Variants in HSD17B12 observed in about 807,000 individuals in gnomAD.
HSD17B12 encodes the protein hydroxysteroid 17-beta dehydrogenase 12, also known as very-long-chain 3-oxoacyl-CoA reductase.
In HSD17B12, 32 loss-of-function variants were observed where a neutral mutation model predicts 39.3. The ratio of observed to expected loss-of-function variants is 0.81; its 90% CI spans 0.61 to 1.09. The LOEUF (loss-of-function observed/expected upper bound fraction) is 1.09. HSD17B12 is among the 50% of genes least tolerant of loss of function. The probability of loss-of-function intolerance (pLI) is 0.00; values close to 1 mark genes in which losing one functional copy is unlikely to be tolerated. For missense variants in HSD17B12, 342 were observed against 382.9 expected (o/e 0.89, Z 0.89); for synonymous variants, 150 against 146.7 (o/e 1.02, Z -0.16).
chr11:43,574,328 G>A, the HSD17B12 span, among the ~76,000 whole-genome samples: 12 of 152,186 alleles, frequency 7.9e-5, no homozygotes, highest in South Asian at 2.1e-4. Flanking sequence ...TGGCATCAAA[G>A]GAAACCATTG....
chr11:43,816,326 A>G, intron 5 of HSD17B12, 21 bp from the exon 6 acceptor site: 1 of 1,465,314 alleles, frequency 6.8e-7, no homozygotes, highest in Non-Finnish European at 9.2e-7. Flanking sequence ...TGTATATAAA[A>G]TTCTCAATAT....
chr11:43,711,798 A>G (rs1427865015), intron 1 of HSD17B12, among the ~76,000 whole-genome samples: 1 of 152,178 alleles, frequency 6.6e-6, no homozygotes, highest in Non-Finnish European at 1.5e-5. Context: ...ATTAATTTGA[A>G]GAAAATTTTC....
intron 1 of HSD17B12, among the ~76,000 whole-genome samples, chr11:43,747,837 G>A (rs1293299730): frequency 6.6e-6 from 1 of 152,150 alleles, no homozygotes; most frequent in East Asian, 1.9e-4. Context: ...GGAGACCAGA[G>A]CTCTGAGCCT....
At chr11:43,614,325 C>A in the HSD17B12 span, among the ~76,000 whole-genome samples, 1 of 152,176 alleles carries the variant, frequency 6.6e-6, no homozygotes, top group East Asian at 1.9e-4. Context: ...TTAAAAATGT[C>A]ATTCCATTGT....
At position 43,754,088 on chromosome 11, in the gene HSD17B12, A is replaced by G. The variant is rs749744408; in HGVS notation, c.250A>G (p.Lys84Glu). 2.5e-6 allele frequency: 4 copies of G among 1,612,464 alleles called. No individual in the cohort carries two copies. The highest frequency in any genetic ancestry group is 3.3e-5 in the Admixed American group (2 of 59,836). Residue 84 changes from lysine (K) to glutamate (E), a missense_variant, in exon 3 of 11, where the codon AAG becomes GAG. Coordinates refer to ENST00000278353, the MANE Select transcript of HSD17B12 (RefSeq NM_016142.3). ...GAAGGTTGTCCTTATCAGCAGATCA[A>G]AGGATAAACTTGACCAGGTTTCCAG... ...GMKVVLISRS[K>E]DKLDQVSSEI...
intron 1 of HSD17B12, among the ~76,000 whole-genome samples, chr11:43,706,723 GT>G (rs140331885): frequency 1.3e-5 from 1 of 74,192 alleles, no homozygotes; most frequent in African/African-American, 5.4e-5. Context: ...TGTGTGTGTT[GT>G]GGGGGGTGGG....
intron 9 of HSD17B12, among the ~76,000 whole-genome samples, chr11:43,843,186 C>T (rs1014653283): frequency 2.0e-5 from 3 of 152,094 alleles, no homozygotes; most frequent in Admixed American, 1.3e-4. Context: ...AGGGAAAGCA[C>T]AGTCGTCATT....
chr11:43,802,482 G>A (rs1950981068), intron 4 of HSD17B12, among the ~76,000 whole-genome samples: 1 of 152,018 alleles, frequency 6.6e-6, no homozygotes, highest in African/African-American at 2.4e-5. Context: ...TCAGTGCTTA[G>A]TAGCTACATG....
chr11:43,796,603 A>T (rs1277273421), intron 3 of HSD17B12, among the ~76,000 whole-genome samples: 3 of 152,220 alleles, frequency 2.0e-5, no homozygotes, highest in Non-Finnish European at 4.4e-5. Flanking sequence ...CAACATATCT[A>T]TACAAAACTC....
At chr11:43,619,215 AAT>A in the HSD17B12 span, among the ~76,000 whole-genome samples, 463 of 67,304 alleles carry the variant, frequency 6.9e-3, 2 homozygotes, top group African/African-American at 0.013. Flanking sequence ...ATATATATAA[AAT>A]ATATATATAT....
intron 1 of HSD17B12, among the ~76,000 whole-genome samples, chr11:43,717,449 T>A (rs1222928413): frequency 6.6e-6 from 1 of 152,222 alleles, no homozygotes; most frequent in East Asian, 1.9e-4. Context: ...AGATACCTAT[T>A]GCTATATAAC....
chr11:43,837,562 C>G (rs1219659369), intron 7 of HSD17B12, among the ~76,000 whole-genome samples: 3 of 152,130 alleles, frequency 2.0e-5, no homozygotes, highest in African/African-American at 4.8e-5. Context: ...TTAGAAATTC[C>G]TGGTAACTTT....
At chr11:43,711,885 ACATTGTAAAGC>A (rs2134837146) in intron 1 of HSD17B12, among the ~76,000 whole-genome samples, 2 of 152,288 alleles carry the variant, frequency 1.3e-5, no homozygotes, top group Non-Finnish European at 2.9e-5. Flanking sequence ...ATAAAGATAT[ACATTGTAAAGC>A]AAAAATAAAA....
chr11:43,610,099 A>G, the HSD17B12 span, among the ~76,000 whole-genome samples: 1 of 152,146 alleles, frequency 6.6e-6, no homozygotes, highest in Non-Finnish European at 1.5e-5. Context: ...CTTTTCCCTA[A>G]AGGATTTCTT....
the HSD17B12 span, among the ~76,000 whole-genome samples, chr11:43,619,257 TA>T: frequency 3.5e-5 from 4 of 115,014 alleles, no homozygotes; most frequent in South Asian, 2.7e-4. Context: ...TATATATATA[TA>T]TTTTATATAT....
At chr11:43,754,825 A>C in intron 3 of HSD17B12, 1 of 751,168 alleles carries the variant, frequency 1.3e-6, no homozygotes, top group South Asian at 1.4e-5. Context: ...AATAGAAAAG[A>C]TAGCAATACC....
chr11:43,665,529 T>C, the HSD17B12 span, among the ~76,000 whole-genome samples: 1 of 152,090 alleles, frequency 6.6e-6, no homozygotes, highest in Non-Finnish European at 1.5e-5. Context: ...ATAACTACTA[T>C]TGATGAGAAT....
the HSD17B12 span, among the ~76,000 whole-genome samples, chr11:43,597,451 G>A: frequency 1.3e-5 from 2 of 152,154 alleles, no homozygotes; most frequent in African/African-American, 4.8e-5. Flanking sequence ...AATGCTGAAC[G>A]AAGGACTTTG....
the HSD17B12 span, among the ~76,000 whole-genome samples, chr11:43,623,747 T>A: frequency 6.6e-6 from 1 of 151,990 alleles, no homozygotes; most frequent in Non-Finnish European, 1.5e-5. Context: ...TTAAGAAGAT[T>A]GGTGGTGAGC....
Sources: gnomAD v4.1 joint callset for allele counts (sites outside exome capture counted in the v4.1 genomes callset) on GRCh38, gnomAD v4.1.1 for gene constraint, MANE v1.5 for transcripts, NCBI Gene and HGNC (gene_info 2026-07-23, HGNC 2026-07-21) for gene names.